FRMD4A: variants seen among roughly 807,000 people sequenced by gnomAD.
FRMD4A encodes the protein FERM domain-containing protein 4A.
FRMD4A carries 29 observed loss-of-function variants against 129.1 expected under a neutral mutation model. The ratio of observed to expected loss-of-function variants is 0.22; its 90% CI spans 0.17 to 0.31. The LOEUF (loss-of-function observed/expected upper bound fraction) is 0.31, where lower values mean the gene tolerates loss of function less well. Ranked by LOEUF, FRMD4A falls within the 10% of genes least tolerant of loss-of-function variation. The pLI, the probability that FRMD4A is intolerant of heterozygous loss-of-function variation, is 1.00. For missense variants in FRMD4A, 1,272 were observed against 1,375.8 expected (o/e 0.92, Z 1.19); for synonymous variants, 634 against 571.6 (o/e 1.11, Z -1.56).
At chr10:14,060,193 C>A (rs962413855) in intron 2 of FRMD4A, among the ~76,000 whole-genome samples, 1 of 152,020 alleles carries the variant, frequency 6.6e-6, no homozygotes, top group South Asian at 2.1e-4. Context: ...GTGGCAAAAA[C>A]CAGAAAAAAA....
rs539053140 is a variant in FRMD4A, at chr10:13,968,125, TG to T, written c.46-109214del. ...GCCCCTTCAGTTCAGTGGCTCCGGG[TG>T]GACTGCACATTAGTATCAAAAACCT... On this transcript the variant is annotated intron_variant, in intron 2 of 24. Transcript: ENST00000357447. 2.9e-3 allele frequency among the ~76,000 whole-genome samples: 434 copies of T among 152,274 alleles called. 5 individuals are homozygous for T. The highest frequency in any genetic ancestry group is 9.9e-3 in the African/African-American group (410 of 41,540).
rs115358342 is a variant in FRMD4A, at chr10:13,793,559, C to G, written c.299+2937G>C. On this transcript the variant is annotated intron_variant, in intron 5 of 24. Coordinates refer to ENST00000357447, the MANE Select transcript of FRMD4A (RefSeq NM_018027.5). ...TAGATGTAATATATAGACATTTACA[C>G]CAAAGGAGAAAGGATTTGAGGAATC... 6.6e-3 allele frequency among the ~76,000 whole-genome samples: 1,009 copies of G among 152,150 alleles called. 17 individuals are homozygous for G. Among genetic ancestry groups the G allele is most frequent in the African/African-American group, 0.023 (971 of 41,488 alleles).
intron 22 of FRMD4A, chr10:13,655,910 T>C (rs968385864): frequency 3.3e-5 from 5 of 152,216 alleles, no homozygotes; most frequent in Non-Finnish European, 7.3e-5. Flanking sequence ...GTCACTGTTA[T>C]TAAATGTAAC....
intron 2 of FRMD4A, among the ~76,000 whole-genome samples, chr10:14,135,325 C>A (rs1839477774): frequency 6.6e-6 from 1 of 152,206 alleles, no homozygotes; most frequent in Non-Finnish European, 1.5e-5. Flanking sequence ...CCCAGCAGCC[C>A]TACTTCAACC....
At chr10:13,686,146 C>T (rs1477094590) in intron 15 of FRMD4A, among the ~76,000 whole-genome samples, 9 of 152,128 alleles carry the variant, frequency 5.9e-5, no homozygotes, top group African/African-American at 2.2e-4. Flanking sequence ...GAGGCTATGA[C>T]CAAAATTAAG....
chr10:14,311,980 G>A (rs2132106578), intron 2 of FRMD4A, among the ~76,000 whole-genome samples: 1 of 152,098 alleles, frequency 6.6e-6, no homozygotes, highest in South Asian at 2.1e-4. Context: ...CAATTACCAG[G>A]GCTCAGCATG....
intron 3 of FRMD4A, 144 bp downstream of exon 3, chr10:13,858,703 T>G (rs942286978): frequency 1.2e-5 from 8 of 683,386 alleles, no homozygotes; most frequent in Non-Finnish European, 1.6e-5. Flanking sequence ...CAAAACACCC[T>G]GGTGGGTCCT....
At chr10:13,955,626 C>T (rs1187986320) in intron 2 of FRMD4A, among the ~76,000 whole-genome samples, 1 of 152,232 alleles carries the variant, frequency 6.6e-6, no homozygotes, top group Non-Finnish European at 1.5e-5. Context: ...GGCTACAGTT[C>T]CCTCCTTAAT....
At chr10:14,092,280 G>T (rs1308426972) in intron 2 of FRMD4A, among the ~76,000 whole-genome samples, 1 of 152,162 alleles carries the variant, frequency 6.6e-6, no homozygotes, top group Non-Finnish European at 1.5e-5. Flanking sequence ...TTCTCCTATT[G>T]AATAAAGGCA....
intron 24 of FRMD4A, chr10:13,647,951 T>A (rs1406245238): frequency 6.6e-6 from 1 of 152,026 alleles, no homozygotes; most frequent in Non-Finnish European, 1.5e-5. Context: ...GAGGGATGGG[T>A]GACAGGAAGG....
At chr10:14,200,846 G>A (rs1211297121) in intron 2 of FRMD4A, among the ~76,000 whole-genome samples, 1 of 152,182 alleles carries the variant, frequency 6.6e-6, no homozygotes, top group East Asian at 1.9e-4. Context: ...TCTGCCGGTA[G>A]GGGGCGTGGG....
intron 2 of FRMD4A, among the ~76,000 whole-genome samples, chr10:14,275,244 C>A (rs1160524272): frequency 6.6e-6 from 1 of 152,130 alleles, no homozygotes; most frequent in Non-Finnish European, 1.5e-5. Context: ...GCAACTAGAC[C>A]GACTCAAGGA....
intron 2 of FRMD4A, among the ~76,000 whole-genome samples, chr10:14,291,880 T>C (rs1005644378): frequency 1.2e-4 from 18 of 152,072 alleles, no homozygotes; most frequent in South Asian, 1.0e-3. Context: ...AAATTATTAA[T>C]AGGTGAGCTT....
At chr10:13,824,321 C>CAAAAAAAAAAAAAAAAAAA (rs397721588) in intron 3 of FRMD4A, among the ~76,000 whole-genome samples, 1 of 99,046 alleles carries the variant, frequency 1.0e-5, no homozygotes, top group Non-Finnish European at 1.9e-5. Flanking sequence ...ACTAAAAATA[C>CAAAAAAAAAAAAAAAAAAA]AAAAAAAAAA....
intron 2 of FRMD4A, among the ~76,000 whole-genome samples, chr10:14,079,551 T>A (rs1287315420): frequency 6.6e-6 from 1 of 152,252 alleles, no homozygotes; most frequent in Admixed American, 6.5e-5. Flanking sequence ...GCCCCTGGAA[T>A]AATGGTGTTT....
At chr10:13,658,881 C>CAAAAA (rs60536121) in intron 21 of FRMD4A, among the ~76,000 whole-genome samples, 1 of 75,192 alleles carries the variant, frequency 1.3e-5, no homozygotes. Flanking sequence ...GACTCCATCT[C>CAAAAA]AAAAAAAAAA....
intron 2 of FRMD4A, among the ~76,000 whole-genome samples, chr10:14,016,753 T>A (rs767867902): frequency 6.6e-6 from 1 of 152,226 alleles, no homozygotes; most frequent in Admixed American, 6.5e-5. Flanking sequence ...ATGCACCATC[T>A]GCTGCATGGA....
At chr10:14,127,803 C>G (rs1004078624) in intron 2 of FRMD4A, among the ~76,000 whole-genome samples, 1 of 152,194 alleles carries the variant, frequency 6.6e-6, no homozygotes, top group Non-Finnish European at 1.5e-5. Flanking sequence ...CTCTTGGAAT[C>G]CATCCTTCAG....
chr10:14,173,302 C>G (rs1841569411), intron 2 of FRMD4A, among the ~76,000 whole-genome samples: 1 of 152,022 alleles, frequency 6.6e-6, no homozygotes, highest in Non-Finnish European at 1.5e-5. Context: ...AATGGAAAAC[C>G]CCACGTTCAA....
Sources: gnomAD v4.1 joint callset for allele counts (sites outside exome capture counted in the v4.1 genomes callset) on GRCh38, gnomAD v4.1.1 for gene constraint, MANE v1.5 for transcripts, NCBI Gene and HGNC (gene_info 2026-07-23, HGNC 2026-07-21) for gene names.